The following ZNF804B variants were observed in gnomAD, a reference collection of about 807,000 sequenced individuals.
ZNF804B encodes the protein zinc finger 804B.
A neutral mutation model predicts 101.4 loss-of-function variants in ZNF804B; 80 were observed. The observed-to-expected ratio is 0.79, with a 90% CI of 0.66 to 0.95. ZNF804B has a LOEUF of 0.95. Ranked by LOEUF, ZNF804B falls within the 40% of genes least tolerant of loss-of-function variation. The pLI is 0.00. For synonymous variants in ZNF804B, 622 were observed against 558.8 expected (o/e 1.11, Z -1.59); for missense variants, 1,673 against 1,561.9 (o/e 1.07, Z -1.20).
At chr7:89,098,875 C>T (rs1790010276) in intron 1 of ZNF804B, among the ~76,000 whole-genome samples, 1 of 151,814 alleles carries the variant, frequency 6.6e-6, no homozygotes, top group South Asian at 2.1e-4. Flanking sequence ...GCCTAAACTT[C>T]ACTAAATTTT....
chr7:89,000,091 T>C (rs1036268704), intron 1 of ZNF804B, among the ~76,000 whole-genome samples: 1 of 151,940 alleles, frequency 6.6e-6, no homozygotes, highest in African/African-American at 2.4e-5. Flanking sequence ...TGTGATACAA[T>C]CCAGTTGTCT....
At chr7:89,079,570 C>T (rs1484327212) in intron 1 of ZNF804B, among the ~76,000 whole-genome samples, 1 of 152,000 alleles carries the variant, frequency 6.6e-6, no homozygotes, top group Non-Finnish European at 1.5e-5. Context: ...TGCAGTGAAT[C>T]TGCCTTTATG....
intron 1 of ZNF804B, among the ~76,000 whole-genome samples, chr7:88,962,528 G>A (rs1205447915): frequency 6.6e-6 from 1 of 150,690 alleles, no homozygotes; most frequent in East Asian, 2.0e-4. Flanking sequence ...TCGATAATTA[G>A]AAGGAACATT....
rs1790245000 is a variant in ZNF804B, at chr7:89,288,879, A to G, written c.250-38465A>G. On this transcript the variant is annotated intron_variant, in intron 2 of 3. Transcript: ENST00000333190. ...GATTGACTTTTGAAGAAGGAACAAT[A>G]AAATATATTTTTGTATCTCTAAAGT... is the stretch of plus-strand genomic sequence containing the variant. Among the ~76,000 whole-genome samples, 2 of 152,222 alleles carry G rather than the reference A, an allele frequency of 1.3e-5. 1 individual carries two copies. The highest frequency in any genetic ancestry group is 1.3e-4 in the Admixed American group (2 of 15,280).
intron 1 of ZNF804B, among the ~76,000 whole-genome samples, chr7:88,932,053 G>A (rs1172025332): frequency 1.3e-5 from 2 of 151,612 alleles, no homozygotes; most frequent in Non-Finnish European, 3.0e-5. Flanking sequence ...TGCATCTAAT[G>A]TAGGTTAATA....
chr7:88,893,075 G>T (rs1457320713), intron 1 of ZNF804B, among the ~76,000 whole-genome samples: 2 of 152,046 alleles, frequency 1.3e-5, no homozygotes, highest in Non-Finnish European at 2.9e-5. Context: ...ATTTGCTGAG[G>T]TTCCAGATTT....
At position 89,336,916 on chromosome 7, in the gene ZNF804B, C is replaced by A. The variant is rs771373207; in HGVS notation, c.3934C>A (p.Pro1312Thr). 14 of 1,613,986 alleles carry A rather than the reference C, an allele frequency of 8.7e-6. No individual in the cohort carries two copies. Among genetic ancestry groups the A allele is most frequent in the Admixed American group, 3.3e-5 (2 of 59,980 alleles). ...CACAACTTCTATCATCCACTTGAAT[C>A]CTTTAATCCAACCAGTATTCCAAGG... ...PATTSIIHLN[P>T]LIQPVFQGQD... Residue 1312 changes from proline (P) to threonine (T), a missense_variant, in exon 4 of 4, where the codon CCT (proline) becomes ACT (threonine). Pro to Thr is a conservative substitution (Grantham distance 38, BLOSUM62 -1). Coordinates refer to ENST00000333190, the MANE Select transcript of ZNF804B (RefSeq NM_181646.5).
At chr7:89,165,407 T>A (rs1350699129) in intron 1 of ZNF804B, among the ~76,000 whole-genome samples, 1 of 151,604 alleles carries the variant, frequency 6.6e-6, no homozygotes, top group African/African-American at 2.4e-5. Context: ...AATAAAATGA[T>A]AAAATTGTAT....
At chr7:89,205,851 G>A (rs1788706873) in intron 1 of ZNF804B, among the ~76,000 whole-genome samples, 1 of 152,156 alleles carries the variant, frequency 6.6e-6, no homozygotes, top group South Asian at 2.1e-4. Flanking sequence ...ATTCTATGTG[G>A]GGGGCTCAAA....
chr7:88,958,759 G>T (rs527980938), intron 1 of ZNF804B, among the ~76,000 whole-genome samples: 4 of 151,494 alleles, frequency 2.6e-5, no homozygotes, highest in Non-Finnish European at 5.9e-5. Context: ...CATGATGTAG[G>T]ATGCTTACAT....
At chr7:89,009,746 C>T (rs1027048897) in intron 1 of ZNF804B, among the ~76,000 whole-genome samples, 10 of 152,192 alleles carry the variant, frequency 6.6e-5, no homozygotes, top group Admixed American at 5.9e-4. Flanking sequence ...TCATCAAACA[C>T]CAAATCTACT....
At chr7:88,913,069 C>G (rs955026083) in intron 1 of ZNF804B, among the ~76,000 whole-genome samples, 4 of 152,106 alleles carry the variant, frequency 2.6e-5, no homozygotes, top group Non-Finnish European at 5.9e-5. Context: ...ACAAAGCCAG[C>G]ATTACTCCTT....
chr7:88,783,702 G>C (rs749405714), intron 1 of ZNF804B, among the ~76,000 whole-genome samples: 6 of 152,208 alleles, frequency 3.9e-5, no homozygotes, highest in African/African-American at 1.2e-4. Context: ...TAAAAGAGTA[G>C]ATTGAACTTC....
At chr7:88,897,283 G>A (rs527747236) in intron 1 of ZNF804B, among the ~76,000 whole-genome samples, 3 of 152,254 alleles carry the variant, frequency 2.0e-5, no homozygotes, top group Admixed American at 2.0e-4. Context: ...AGAGGGAATG[G>A]GAAAAGATGT....
intron 1 of ZNF804B, among the ~76,000 whole-genome samples, chr7:89,179,056 T>C (rs371924754): frequency 6.6e-6 from 1 of 152,192 alleles, no homozygotes; most frequent in Non-Finnish European, 1.5e-5. Flanking sequence ...CTTCTTTGTA[T>C]GTATTTGTTT....
intron 1 of ZNF804B, among the ~76,000 whole-genome samples, chr7:89,076,159 G>C (rs1203508325): frequency 6.6e-6 from 1 of 152,196 alleles, no homozygotes; most frequent in Non-Finnish European, 1.5e-5. Flanking sequence ...CGTTGGGAAG[G>C]CATGATTGGT....
intron 1 of ZNF804B, among the ~76,000 whole-genome samples, chr7:88,959,885 C>T (rs1793365386): frequency 6.6e-6 from 1 of 151,324 alleles, no homozygotes; most frequent in African/African-American, 2.4e-5. Flanking sequence ...CTTCTATGGC[C>T]CCAGTTTATT....
chr7:89,215,740 G>A (rs113887700), intron 1 of ZNF804B, among the ~76,000 whole-genome samples: 6 of 151,682 alleles, frequency 4.0e-5, no homozygotes, highest in Middle Eastern at 6.8e-3. Flanking sequence ...AAAATTAGCC[G>A]GGCGTGGCAG....
At chr7:89,075,444 A>G (rs1046846454) in intron 1 of ZNF804B, among the ~76,000 whole-genome samples, 2 of 152,154 alleles carry the variant, frequency 1.3e-5, no homozygotes, top group Non-Finnish European at 2.9e-5. Flanking sequence ...TGCAAGCCTC[A>G]AGCCTTGGCA....
Sources: allele counts gnomAD v4.1 joint callset (sites outside exome capture counted in the v4.1 genomes callset), GRCh38; gene constraint gnomAD v4.1.1; transcripts MANE v1.5; gene names NCBI Gene and HGNC (gene_info 2026-07-23, HGNC 2026-07-21).